The following SCHIP1 variants were observed in gnomAD, a reference collection of about 807,000 sequenced individuals.
SCHIP1 encodes schwannomin interacting protein 1, also known as schwannomin-interacting protein 1.
SCHIP1 carries 8 observed loss-of-function variants against 29.7 expected under a neutral mutation model. That is an observed-to-expected ratio of 0.27 (90% CI 0.16 to 0.49). The LOEUF is 0.49. Among genes scored for constraint, SCHIP1 ranks in the 20% least tolerant of loss-of-function variants. The probability of loss-of-function intolerance (pLI) is 0.99; values close to 1 mark genes in which losing one functional copy is unlikely to be tolerated. For missense variants in SCHIP1, 193 were observed against 294.6 expected (o/e 0.66, Z 2.52); for synonymous variants, 76 against 94.9 (o/e 0.80, Z 1.16).
At chr3:159,277,888 C>A in the SCHIP1 span, among the ~76,000 whole-genome samples, 19 of 151,440 alleles carry the variant, frequency 1.3e-4, no homozygotes, top group South Asian at 8.4e-4. Flanking sequence ...GCACTCCAGC[C>A]TGGACAACGA....
At chr3:159,839,644 T>C (rs1255471767), upstream of SCHIP1, among the ~76,000 whole-genome samples, 4 of 139,154 alleles carry the variant, frequency 2.9e-5, no homozygotes, top group South Asian at 2.5e-4. Context: ...TTTTTTTTTT[T>C]TTTTTTTTTT....
chr3:159,563,410 C>A, the SCHIP1 span, among the ~76,000 whole-genome samples: 225 of 151,976 alleles, frequency 1.5e-3, 1 homozygote, highest in African/African-American at 5.1e-3. Context: ...TCTATATAAC[C>A]TATAGTTATA....
At chr3:159,365,582 T>C in the SCHIP1 span, among the ~76,000 whole-genome samples, 1 of 152,192 alleles carries the variant, frequency 6.6e-6, no homozygotes, top group Non-Finnish European at 1.5e-5. Flanking sequence ...GGCATGGATA[T>C]TGTGTTTGCT....
At chr3:159,491,137 G>A in the SCHIP1 span, among the ~76,000 whole-genome samples, 1 of 152,178 alleles carries the variant, frequency 6.6e-6, no homozygotes, top group Non-Finnish European at 1.5e-5. Flanking sequence ...AGCCAAGATG[G>A]CCGAATAGGA....
the SCHIP1 span, among the ~76,000 whole-genome samples, chr3:159,356,275 A>T: frequency 6.6e-6 from 1 of 152,188 alleles, no homozygotes; most frequent in Non-Finnish European, 1.5e-5. Context: ...CCTATGCTAC[A>T]CCTTGAATAT....
chr3:159,589,576 C>T, the SCHIP1 span, among the ~76,000 whole-genome samples: 1 of 152,120 alleles, frequency 6.6e-6, no homozygotes, highest in Non-Finnish European at 1.5e-5. Flanking sequence ...TTTGCCCATT[C>T]AGTATGATAT....
the SCHIP1 span, among the ~76,000 whole-genome samples, chr3:159,450,917 T>C: frequency 6.6e-6 from 1 of 150,704 alleles, no homozygotes; most frequent in African/African-American, 2.4e-5. Context: ...CACACCATTC[T>C]CCTGCCTCAG....
chr3:159,650,768 G>A, the SCHIP1 span, among the ~76,000 whole-genome samples: 1 of 152,214 alleles, frequency 6.6e-6, no homozygotes, highest in Non-Finnish European at 1.5e-5. Flanking sequence ...GCAGCCATTT[G>A]CAAGAGTATC....
chr3:159,430,815 A>ATCTG, the SCHIP1 span, among the ~76,000 whole-genome samples: 191 of 152,214 alleles, frequency 1.3e-3, 3 homozygotes, highest in South Asian at 0.031. Context: ...GAGTGGACTG[A>ATCTG]TCTGCTCAAG....
At chr3:159,543,887 C>G in the SCHIP1 span, among the ~76,000 whole-genome samples, 1 of 152,222 alleles carries the variant, frequency 6.6e-6, no homozygotes, top group South Asian at 2.1e-4. Context: ...CTGTTGTTTC[C>G]TGACTTTTTA....
chr3:159,608,887 ACT>A, the SCHIP1 span, among the ~76,000 whole-genome samples: 1 of 151,936 alleles, frequency 6.6e-6, no homozygotes, highest in Non-Finnish European at 1.5e-5. Flanking sequence ...GCTTCCAGGC[ACT>A]CTCTCAGTTT....
At chr3:159,329,314 G>A in the SCHIP1 span, among the ~76,000 whole-genome samples, 3 of 152,222 alleles carry the variant, frequency 2.0e-5, no homozygotes, top group Non-Finnish European at 2.9e-5. Context: ...CTGTGGGACA[G>A]TTTGTTCCTG....
At chr3:159,362,000 G>C in the SCHIP1 span, among the ~76,000 whole-genome samples, 1 of 152,078 alleles carries the variant, frequency 6.6e-6, no homozygotes, top group Non-Finnish European at 1.5e-5. Context: ...TATGATCTAG[G>C]GATACTTGAG....
the SCHIP1 span, among the ~76,000 whole-genome samples, chr3:159,513,636 C>T: frequency 0.032 from 4,928 of 152,134 alleles, 269 homozygotes; most frequent in African/African-American, 0.11. Flanking sequence ...GGGAAAAAAT[C>T]GGTGCCATGG....
chr3:159,627,004 G>C, the SCHIP1 span, among the ~76,000 whole-genome samples: 3,236 of 152,192 alleles, frequency 0.021, 104 homozygotes, highest in African/African-American at 0.074. Context: ...CGTGCATTAG[G>C]TATTTGTTCT....
At chr3:159,888,876 C>T (rs138619287) in exon 5 of SCHIP1, 9 of 1,614,014 alleles carry the variant, frequency 5.6e-6, no homozygotes, top group South Asian at 2.2e-5. Context: ...TAAAACCCAC[C>T]GACCTGAGAG....
At chr3:159,713,284 G>A in the SCHIP1 span, among the ~76,000 whole-genome samples, 8 of 141,952 alleles carry the variant, frequency 5.6e-5, no homozygotes, top group Non-Finnish European at 1.1e-4. Flanking sequence ...AAGAAAGAAA[G>A]AAAAAAGAAA....
the SCHIP1 span, among the ~76,000 whole-genome samples, chr3:159,509,200 T>C: frequency 6.6e-6 from 1 of 152,258 alleles, no homozygotes; most frequent in African/African-American, 2.4e-5. Flanking sequence ...TCTTGTTGAA[T>C]TGATCCCTTT....
the SCHIP1 span, among the ~76,000 whole-genome samples, chr3:159,730,763 G>A: frequency 6.6e-6 from 1 of 152,330 alleles, no homozygotes; most frequent in African/African-American, 2.4e-5. Context: ...GCAAAAGGGA[G>A]AGGAGCTCCC....
Sources: allele counts gnomAD v4.1 joint callset (sites outside exome capture counted in the v4.1 genomes callset), GRCh38; gene constraint gnomAD v4.1.1; transcripts MANE v1.5; gene names NCBI Gene and HGNC (gene_info 2026-07-23, HGNC 2026-07-21).